The following NNT variants were observed in gnomAD, a reference collection of about 807,000 sequenced individuals.
NNT encodes the protein nicotinamide nucleotide transhydrogenase, also known as NAD(P) transhydrogenase, mitochondrial.
NNT carries 50 observed loss-of-function variants against 104.8 expected under a neutral mutation model. That is an observed-to-expected ratio of 0.48 (90% confidence interval 0.38 to 0.60). The LOEUF is 0.60. Ranked by LOEUF, NNT falls within the 20% of genes least tolerant of loss-of-function variation. NNT has a pLI of 0.00. For missense variants in NNT, 1,131 were observed against 1,330.7 expected (o/e 0.85, Z 2.33); for synonymous variants, 461 against 490.4 (o/e 0.94, Z 0.79).
chr5:43,695,227 C>T (rs914813715), intron 19 of NNT, among the ~76,000 whole-genome samples: 1 of 152,156 alleles, frequency 6.6e-6, no homozygotes, highest in Admixed American at 6.5e-5. Flanking sequence ...CAAAATAAAT[C>T]ACCATCTATA....
intron 16 of NNT, 25 bp from the exon 17 acceptor site, chr5:43,659,146 A>G: frequency 6.6e-7 from 1 of 1,520,688 alleles, no homozygotes; most frequent in Non-Finnish European, 8.8e-7. Context: ...ATTAATTTTG[A>G]GTTCTGATTT....
rs36088911 is a variant in NNT at position 43,622,865 on chromosome 5, G to GTT, written c.688-1153_688-1152dup. ...TGCGATTCTGCTTTTTTAAATTATG[G>GTT]TTTTTTTTTTTTTTTGTTATGTCTT... is the stretch of plus-strand genomic sequence containing the variant. On this transcript the variant is annotated intron_variant, in intron 5 of 21. Coordinates refer to ENST00000344920, the MANE Select transcript of NNT (RefSeq NM_182977.3). Among the ~76,000 whole-genome samples the GTT allele has an allele frequency of 1.0e-3, 143 of 138,504 alleles. 1 individual carries two copies. Among genetic ancestry groups the GTT allele is most frequent in the African/African-American group, 3.0e-3 (114 of 37,888 alleles). The allele number at this position is 138,504 out of a possible 152,430, so 90.9% of individuals were successfully genotyped here. A position where few individuals can be genotyped will look rare whatever the true frequency, so the allele number is the denominator to read the frequency against.
intron 7 of NNT, among the ~76,000 whole-genome samples, chr5:43,636,840 A>G (rs1051732187): frequency 6.6e-6 from 1 of 152,192 alleles, no homozygotes; most frequent in Admixed American, 6.5e-5. Context: ...TATTAAGTTA[A>G]TCCTTTCAAA....
chr5:43,650,381 C>A (rs1739691432), intron 11 of NNT, 96 bp from the exon 12 acceptor site: 4 of 817,506 alleles, frequency 4.9e-6, no homozygotes, highest in Middle Eastern at 2.9e-4. Flanking sequence ...GAGAACTTTA[C>A]CCTCTATGAA....
In NNT at chr5:43,704,362, T is replaced by C; in HGVS notation, c.3219T>C (p.Cys1073=). ...AMLLGDAKKT[C]DALQAKVRES... is the part of the protein sequence containing the mutation. ...TTCTAGGTGATGCCAAGAAAACATG[T>C]GACGCGCTCCAGGCGAAAGTTAGAG... Residue 1073 remains cysteine, a synonymous_variant, in exon 22 of 22, where the codon TGT becomes TGC. Coordinates refer to ENST00000344920, the MANE Select transcript of NNT (RefSeq NM_182977.3). 1 of 1,613,776 alleles carries C rather than the reference T, an allele frequency of 6.2e-7. No homozygotes were observed. The highest frequency in any genetic ancestry group is 8.5e-7 in the Non-Finnish European group (1 of 1,179,764).
chr5:43,604,281 A>C (rs1749090573), intron 1 of NNT, among the ~76,000 whole-genome samples: 1 of 152,144 alleles, frequency 6.6e-6, no homozygotes. Flanking sequence ...TATTCGGAGA[A>C]GCGCGTGGGG....
At chr5:43,622,418 T>C (rs1750146388) in intron 5 of NNT, among the ~76,000 whole-genome samples, 1 of 152,200 alleles carries the variant, frequency 6.6e-6, no homozygotes, top group Non-Finnish European at 1.5e-5. Flanking sequence ...CTATTTCTTT[T>C]TTTAAAAAAG....
chr5:43,680,277 T>C (rs538663071), intron 19 of NNT, among the ~76,000 whole-genome samples: 4 of 148,604 alleles, frequency 2.7e-5, no homozygotes, highest in African/African-American at 9.8e-5. Flanking sequence ...GCTTTTTTCC[T>C]TTTTTTTTTA....
chr5:43,623,849 G>A (rs1159618877), intron 5 of NNT, among the ~76,000 whole-genome samples, 183 bp from the exon 6 acceptor site: 1 of 152,182 alleles, frequency 6.6e-6, no homozygotes, highest in Non-Finnish European at 1.5e-5. Context: ...AAGATCAGTG[G>A]TGGTTCAGTT....
rs1743084633 is a variant in NNT, at chr5:43,705,967, T to C, written c.*1563T>C. ...CCTTTTTCTTCTCTCAAAGTAGTTG[T>C]AGTTATATCTAGAAAGAAGCAATTT... On this transcript the variant is annotated 3_prime_UTR_variant, in exon 22 of 22. Coordinates refer to ENST00000344920, the MANE Select transcript of NNT (RefSeq NM_182977.3). The C allele has an allele frequency of 6.6e-6, 1 of 152,118 alleles. No individual in the cohort carries two copies. Among genetic ancestry groups the C allele is most frequent in the South Asian group, 2.1e-4 (1 of 4,830 alleles). 9.4% of individuals were successfully genotyped at this position (152,118 alleles called of 1,614,324 possible). A position where few individuals can be genotyped will look rare whatever the true frequency, so the allele number is the denominator to read the frequency against.
intron 15 of NNT, 39 bp from the exon 16 acceptor site, chr5:43,656,614 A>G (rs1460896623): frequency 6.5e-7 from 1 of 1,548,858 alleles, no homozygotes; most frequent in Non-Finnish European, 8.7e-7. Context: ...TTTTCTTACA[A>G]CACATTCTGA....
intron 7 of NNT, among the ~76,000 whole-genome samples, chr5:43,630,360 GA>G (rs1245516590): frequency 1.3e-5 from 2 of 151,684 alleles, no homozygotes; most frequent in East Asian, 3.9e-4. Flanking sequence ...TGATAAATAA[GA>G]AAAAAAATAC....
chr5:43,658,134 CA>C (rs985130134), intron 16 of NNT, among the ~76,000 whole-genome samples: 4 of 147,752 alleles, frequency 2.7e-5, no homozygotes, highest in Admixed American at 6.7e-5. Flanking sequence ...GACTCTGTCT[CA>C]AAAAAAAAGA....
chr5:43,687,608 G>A (rs62368575), intron 19 of NNT, among the ~76,000 whole-genome samples: 5,691 of 152,092 alleles, frequency 0.037, 216 homozygotes, highest in East Asian at 0.2. Flanking sequence ...CAAAACATTG[G>A]CATTCTCTTG....
At chr5:43,627,812 C>T (rs1414955039) in intron 6 of NNT, among the ~76,000 whole-genome samples, 1 of 151,952 alleles carries the variant, frequency 6.6e-6, no homozygotes. Flanking sequence ...AGAACAAATT[C>T]AGAATATTTA....
chr5:43,665,214 AT>A (rs764655812), intron 17 of NNT, among the ~76,000 whole-genome samples: 18,301 of 146,578 alleles, frequency 0.12, 1,651 homozygotes, highest in African/African-American at 0.25. Context: ...TATTTTATTT[AT>A]TTATTTATTA....
intron 7 of NNT, among the ~76,000 whole-genome samples, chr5:43,637,363 A>G (rs1372322027): frequency 1.3e-5 from 2 of 152,146 alleles, no homozygotes; most frequent in African/African-American, 2.4e-5. Flanking sequence ...CCCTTTTGTT[A>G]TCATTGGTAA....
At chr5:43,629,366 T>C (rs1361259012) in intron 7 of NNT, among the ~76,000 whole-genome samples, 1 of 152,234 alleles carries the variant, frequency 6.6e-6, no homozygotes, top group African/African-American at 2.4e-5. Context: ...TGTATGTTTA[T>C]CTACTCGTTG....
chr5:43,615,221 A>G (rs1330131714), intron 3 of NNT, among the ~76,000 whole-genome samples: 1 of 152,248 alleles, frequency 6.6e-6, no homozygotes, highest in Non-Finnish European at 1.5e-5. Flanking sequence ...TATGGAGTGT[A>G]TATTCATTGA....
Sources: allele counts gnomAD v4.1 joint callset (sites outside exome capture counted in the v4.1 genomes callset), GRCh38; gene constraint gnomAD v4.1.1; transcripts MANE v1.5; gene names NCBI Gene and HGNC (gene_info 2026-07-23, HGNC 2026-07-21).